Variants in PHACTR1 observed in about 807,000 individuals in gnomAD.
The protein encoded by PHACTR1 is RPEL repeat containing 1.
PHACTR1 carries 16 observed loss-of-function variants against 69.2 expected under a neutral mutation model. That is an observed-to-expected ratio of 0.23 (90% CI 0.16 to 0.35). PHACTR1 has a LOEUF of 0.35. Among genes scored for constraint, PHACTR1 ranks in the 10% least tolerant of loss-of-function variants. The pLI, the probability that PHACTR1 is intolerant of heterozygous loss-of-function variation, is 1.00. For missense variants in PHACTR1, 510 were observed against 734.7 expected (o/e 0.69, Z 3.54); for synonymous variants, 312 against 284.5 (o/e 1.10, Z -0.97).
At chr6:12,778,843 C>G (rs546384964) in intron 4 of PHACTR1, among the ~76,000 whole-genome samples, 39 of 152,312 alleles carry the variant, frequency 2.6e-4, no homozygotes, top group African/African-American at 8.4e-4. Flanking sequence ...GTATATTACA[C>G]GGTCACTACT....
intron 4 of PHACTR1, among the ~76,000 whole-genome samples, chr6:12,899,706 T>C (rs1785002562): frequency 6.6e-6 from 1 of 152,262 alleles, no homozygotes; most frequent in East Asian, 1.9e-4. Context: ...GGATAAGCCC[T>C]GCAGTGTGGT....
chr6:12,954,522 G>T (rs991686739), intron 4 of PHACTR1, among the ~76,000 whole-genome samples: 1 of 151,906 alleles, frequency 6.6e-6, no homozygotes, highest in African/African-American at 2.4e-5. Context: ...AGATTGAGGG[G>T]TCTATTAGGA....
intron 5 of PHACTR1, among the ~76,000 whole-genome samples, chr6:13,070,023 C>T (rs1489542299): frequency 6.6e-6 from 1 of 152,156 alleles, no homozygotes; most frequent in Admixed American, 6.5e-5. Flanking sequence ...CTGAGACCAG[C>T]CCTCTGCAGA....
rs201929409 is a variant in PHACTR1, at chr6:12,995,442, GAAACAATAGGC to G, written c.251-57919_251-57909del. On this transcript the variant is annotated intron_variant, in intron 4 of 14. Transcript: ENST00000332995. ...TAGAAAAAAAACATGATGCACCAAT[GAAACAATAGGC>G]AAATATTAACCGAAAGTAAACCAAA... 8.0e-4 allele frequency among the ~76,000 whole-genome samples: 121 copies of G among 151,890 alleles called. 3 individuals carry two copies. In the East Asian group the frequency reaches 0.022, roughly 28 times the overall value.
intron 4 of PHACTR1, among the ~76,000 whole-genome samples, chr6:12,946,292 T>TGTTTAGCA (rs1201214990): frequency 6.6e-6 from 1 of 151,822 alleles, no homozygotes; most frequent in Admixed American, 6.6e-5. Flanking sequence ...GTGAAGGAAG[T>TGTTTAGCA]TGGGTGCCAT....
Position 13,043,357 on chromosome 6 carries a change from G to A in PHACTR1, c.251-10008G>A, listed in dbSNP as rs558646801. 9.2e-5 allele frequency among the ~76,000 whole-genome samples: 14 copies of A among 152,230 alleles called. No homozygotes were observed. In the South Asian group the frequency reaches 2.1e-3, roughly 23 times the overall value. Reference sequence around the variant, plus strand: ...CACAAGAACCGCTTGAACCTGGGAGGTGGAGGTTGCAGTGAACGGAGATAG... The same window carrying A: ...CACAAGAACCGCTTGAACCTGGGAGATGGAGGTTGCAGTGAACGGAGATAG... On this transcript the variant is annotated intron_variant, in intron 4 of 14. Transcript: ENST00000332995.
chr6:13,253,314 C>A (rs1362101598), intron 10 of PHACTR1, among the ~76,000 whole-genome samples: 1 of 152,208 alleles, frequency 6.6e-6, no homozygotes, highest in Non-Finnish European at 1.5e-5. Context: ...CCTTGCTTAC[C>A]TTTGAAAAAT....
chr6:13,216,522 C>T (rs1299882492), intron 8 of PHACTR1, among the ~76,000 whole-genome samples: 1 of 152,182 alleles, frequency 6.6e-6, no homozygotes, highest in Non-Finnish European at 1.5e-5. Context: ...CATGACATAA[C>T]AAATGGCCTA....
chr6:12,997,727 G>C (rs961176642), intron 4 of PHACTR1, among the ~76,000 whole-genome samples: 1 of 152,066 alleles, frequency 6.6e-6, no homozygotes, highest in African/African-American at 2.4e-5. Context: ...GGCCGAGGTG[G>C]GCGGATCACA....
intron 4 of PHACTR1, among the ~76,000 whole-genome samples, chr6:13,046,949 T>C (rs1178590080): frequency 1.3e-5 from 2 of 152,216 alleles, no homozygotes; most frequent in Non-Finnish European, 1.5e-5. Context: ...AAAAATAGTG[T>C]CCTCATATGC....
At chr6:12,771,967 T>A (rs1769446041) in intron 4 of PHACTR1, among the ~76,000 whole-genome samples, 1 of 151,950 alleles carries the variant, frequency 6.6e-6, no homozygotes. Flanking sequence ...AGAGAGAAAA[T>A]GGCCAGTGAC....
In PHACTR1 at chr6:13,283,418, G is replaced by A; in HGVS notation, c.1510-4G>A. ...ACTGGGTCCATCTCTCTCCCTCCCT[G>A]CAGCTCAGTCAAAGGCCCACGGTGG... On this transcript the variant is annotated splice_polypyrimidine_tract_variant and splice_region_variant and intron_variant, in intron 12 of 14. Coordinates refer to ENST00000332995, the MANE Select transcript of PHACTR1 (RefSeq NM_030948.6). The surrounding 1 kb of genome is among the most constrained non-coding windows in gnomAD (Gnocchi z 4.7). 6.2e-7 allele frequency: 1 copy of A among 1,613,306 alleles called. No individual in the cohort carries two copies. Among genetic ancestry groups the A allele is most frequent in the Non-Finnish European group, 8.5e-7 (1 of 1,179,726 alleles).
chr6:13,172,313 A>G (rs775392577), intron 6 of PHACTR1, among the ~76,000 whole-genome samples: 7 of 152,196 alleles, frequency 4.6e-5, no homozygotes, highest in African/African-American at 9.6e-5. Flanking sequence ...AGCCAGAGTC[A>G]TTGTTTGGAA....
chr6:12,916,153 C>A (rs368002102), intron 4 of PHACTR1, among the ~76,000 whole-genome samples: 6 of 152,136 alleles, frequency 3.9e-5, no homozygotes, highest in Non-Finnish European at 1.5e-5. Context: ...TAACTTAAAA[C>A]GAAACAAAAC....
chr6:12,927,895 C>T (rs900398589), intron 4 of PHACTR1, among the ~76,000 whole-genome samples: 15 of 152,322 alleles, frequency 9.8e-5, no homozygotes, highest in Admixed American at 2.6e-4. Flanking sequence ...ATTATCCTCC[C>T]GGCAGGTTAG....
intron 4 of PHACTR1, among the ~76,000 whole-genome samples, chr6:12,756,989 T>G (rs1461207222): frequency 6.6e-6 from 1 of 152,186 alleles, no homozygotes; most frequent in African/African-American, 2.4e-5. Flanking sequence ...CTTACTTTCA[T>G]GAATTTTTAC....
At chr6:12,934,196 C>T (rs533489266) in intron 4 of PHACTR1, among the ~76,000 whole-genome samples, 62 of 152,292 alleles carry the variant, frequency 4.1e-4, no homozygotes, top group Middle Eastern at 6.8e-3. Context: ...CATCCCATGG[C>T]TGTCTCTCTC....
chr6:12,765,530 A>G (rs190758779), intron 4 of PHACTR1, among the ~76,000 whole-genome samples: 1 of 152,278 alleles, frequency 6.6e-6, no homozygotes, highest in South Asian at 2.1e-4. Flanking sequence ...CTTTTTCATT[A>G]TCTAGTAATA....
chr6:12,853,749 C>T (rs1370336268), intron 4 of PHACTR1, among the ~76,000 whole-genome samples: 1 of 152,176 alleles, frequency 6.6e-6, no homozygotes, highest in Admixed American at 6.5e-5. Context: ...AACTCACTAT[C>T]ATGAGAACAG....
Sources: allele counts gnomAD v4.1 joint callset (sites outside exome capture counted in the v4.1 genomes callset), GRCh38; gene constraint gnomAD v4.1.1; non-coding constraint Gnocchi (gnomAD v3.1); transcripts MANE v1.5; gene names NCBI Gene and HGNC (gene_info 2026-07-23, HGNC 2026-07-21).